The following FMNL3 variants were observed in gnomAD, a reference collection of about 807,000 sequenced individuals.
FMNL3 encodes formin like 3.
FMNL3 carries 57 observed loss-of-function variants against 119.6 expected under a neutral mutation model. The observed-to-expected ratio is 0.48, with a 90% CI of 0.39 to 0.59. The LOEUF is 0.59. Ranked by LOEUF, FMNL3 falls within the 20% of genes least tolerant of loss-of-function variation. The probability of loss-of-function intolerance (pLI) is 0.00; values close to 1 mark genes in which losing one functional copy is unlikely to be tolerated. For synonymous variants in FMNL3, 491 were observed against 507.3 expected (o/e 0.97, Z 0.43); for missense variants, 1,053 against 1,323.5 (o/e 0.80, Z 3.17).
At position 49,647,302 on chromosome 12, in the gene FMNL3, G is replaced by A; in HGVS notation, c.2845C>T (p.Gln949Ter). 2 of 1,613,936 alleles carry A rather than the reference G, an allele frequency of 1.2e-6. No individual in the cohort carries two copies. The highest frequency in any genetic ancestry group is 1.7e-6 in the Non-Finnish European group (2 of 1,180,020). The change falls in exon 24 of 26, where the codon CAG (glutamine) becomes TAG (stop). Residue 949 changes from glutamine (Q) to a stop codon, truncating the protein, a stop_gained. Transcript: ENST00000335154. LOFTEE classifies it high-confidence loss of function. This position sits in a 1 kb window ranked among gnomAD's most constrained non-coding sequence, Gnocchi z 4.9. ...EEVMREKQLA[Q>*]EAKKLDAKTP... ...TTGGCATCCAGTTTCTTGGCTTCCT[G>A]AGCCAGCTGCTTCTCCCGCATTACC...
At position 49,637,373 on chromosome 12, in the gene FMNL3, T is replaced by C. The variant is rs1592600611; in HGVS notation, c.*8442A>G. The C allele has an allele frequency of 1.3e-6, 1 of 783,568 alleles. No individual in the cohort carries two copies. Among genetic ancestry groups the C allele is most frequent in the African/African-American group, 1.7e-5 (1 of 58,830 alleles). 48.5% of individuals were successfully genotyped at this position (783,568 alleles called of 1,614,324 possible). On this transcript the variant is annotated 3_prime_UTR_variant, in exon 26 of 26. Coordinates refer to ENST00000335154, the MANE Select transcript of FMNL3 (RefSeq NM_175736.5). ...GCCTGCATTTCCTCAATCTTGATTGTCCCTGCCTCTTCCTCTGCCATTCCC... is the reference window on the plus strand; with the variant it reads ...GCCTGCATTTCCTCAATCTTGATTGCCCCTGCCTCTTCCTCTGCCATTCCC...
intron 1 of FMNL3, among the ~76,000 whole-genome samples, chr12:49,702,237 AAGCTGC>A (rs1944928862): frequency 6.6e-6 from 1 of 152,158 alleles, no homozygotes; most frequent in African/African-American, 2.4e-5. Flanking sequence ...TGGGAGTTCA[AAGCTGC>A]AGTGAGGTGC....
intron 4 of FMNL3, 97 bp downstream of exon 4, chr12:49,665,735 A>T: frequency 7.8e-7 from 1 of 1,287,052 alleles, no homozygotes; most frequent in Non-Finnish European, 1.1e-6. Context: ...GGCAGGGAAG[A>T]TGAACAGGAA....
At chr12:49,690,809 G>A (rs1944581433) in intron 1 of FMNL3, among the ~76,000 whole-genome samples, 1 of 152,256 alleles carries the variant, frequency 6.6e-6, no homozygotes, top group Admixed American at 6.5e-5. Context: ...GCTGGGCGCA[G>A]TGCCAGCACT....
At position 49,651,149 on chromosome 12, in the gene FMNL3, G is replaced by A. The variant is rs369546127; in HGVS notation, c.1797+19C>T. ...CCCTAGCCCTCAACCTTAGCCCTCT[G>A]GACCCCAGGCCCTGTTACCTCCAAG... On this transcript the variant is annotated intron_variant, in intron 16 of 25. Transcript: ENST00000335154. 8.7e-6 allele frequency: 14 copies of A among 1,610,522 alleles called. No individual in the cohort carries two copies. The highest frequency in any genetic ancestry group is 1.6e-4 in the Middle Eastern group (1 of 6,076).
Position 49,649,997 on chromosome 12 carries a change from A to C in FMNL3, c.2001-72T>G. The C allele has an allele frequency of 7.5e-7, 1 of 1,335,444 alleles. No homozygotes were observed. Among genetic ancestry groups the C allele is most frequent in the Middle Eastern group, 1.8e-4 (1 of 5,550 alleles). The allele number at this position is 1,335,444 out of a possible 1,614,324, so 82.7% of individuals were successfully genotyped here. On this transcript the variant is annotated intron_variant, in intron 17 of 25. Transcript: ENST00000335154. The surrounding 1 kb of genome is among the most constrained non-coding windows in gnomAD (Gnocchi z 5.6). ...TTTCCCTCATCCCTTTTATTCTCCA[A>C]GCTCCTAGAAGAACTGGACAGGGGA...
chr12:49,654,067 G>T, intron 11 of FMNL3, 125 bp downstream of exon 11: 2 of 1,165,430 alleles, frequency 1.7e-6, no homozygotes, highest in Non-Finnish European at 2.4e-6. Flanking sequence ...TGAGTCCCAG[G>T]CTACAGAAGA....
chr12:49,645,834 C>T lies in FMNL3; in HGVS notation c.3065G>A (p.Arg1022Gln), dbSNP rs768124110. Reference sequence around the variant, plus strand: ...AGGGTCTCAGTGGGGGCCTGGAGCCCGAGGGGGACCACTGGGCGGTGCAGC... The same window carrying T: ...AGGGTCTCAGTGGGGGCCTGGAGCCTGAGGGGGACCACTGGGCGGTGCAGC... ...RSAAPPSGPP[R>Q]APGPH The change falls in exon 26 of 26, where the codon CGG becomes CAG. Residue 1022 changes from arginine (R) to glutamine (Q), a missense_variant. By Grantham distance (43) the Arg-to-Gln change is conservative. Transcript: ENST00000335154. 7.5e-6 allele frequency: 12 copies of T among 1,599,890 alleles called. No homozygotes were observed. The highest frequency in any genetic ancestry group is 1.4e-5 in the African/African-American group (1 of 73,330).
chr12:49,700,340 C>T (rs1261032420), intron 1 of FMNL3, among the ~76,000 whole-genome samples: 3 of 141,230 alleles, frequency 2.1e-5, no homozygotes, highest in Non-Finnish European at 4.5e-5. Context: ...TGTAGTGAGC[C>T]GAGATCGAGC....
Position 49,657,124 on chromosome 12 carries a change from G to A in FMNL3, c.672C>T (p.Val224=), listed in dbSNP as rs1222030571. ...NSRLVSQKDD[V]HVCILCLRAI... is the part of the protein sequence containing the mutation. Reference sequence around the variant, plus strand: ...CTCTGAGACAAAGGATACAGACGTGGACGTCATCCTTCTGGCTCACTAGGC... The same window carrying A: ...CTCTGAGACAAAGGATACAGACGTGAACGTCATCCTTCTGGCTCACTAGGC... Residue 224 remains valine, a synonymous_variant, in exon 7 of 26, where the codon GTC becomes GTT. Transcript: ENST00000335154. 10 of 1,614,020 alleles carry A rather than the reference G, an allele frequency of 6.2e-6. No homozygotes were observed. The highest frequency in any genetic ancestry group is 2.7e-5 in the African/African-American group (2 of 74,886).
intron 1 of FMNL3, among the ~76,000 whole-genome samples, chr12:49,673,707 T>C (rs1565884587): frequency 6.6e-6 from 1 of 152,254 alleles, no homozygotes; most frequent in Non-Finnish European, 1.5e-5. Context: ...GCCAGCACTT[T>C]AACACAAGCC....
At chr12:49,666,937 G>A (rs1943908088) in intron 2 of FMNL3, among the ~76,000 whole-genome samples, 1 of 152,178 alleles carries the variant, frequency 6.6e-6, no homozygotes, top group African/African-American at 2.4e-5. Flanking sequence ...TCTGCAGTTG[G>A]GACTGGAATG....
At chr12:49,653,454 G>GT in intron 12 of FMNL3, 127 bp from the exon 13 acceptor site, 1 of 992,268 alleles carries the variant, frequency 1.0e-6, no homozygotes, top group Non-Finnish European at 1.6e-6. Flanking sequence ...TAGTCAGGTG[G>GT]TTCCCTTATA....
intron 1 of FMNL3, among the ~76,000 whole-genome samples, chr12:49,689,982 A>C (rs963617907): frequency 6.6e-6 from 1 of 152,018 alleles, no homozygotes; most frequent in African/African-American, 2.4e-5. Context: ...CTCCTATACC[A>C]CACTGATCCT....
chr12:49,696,556 G>A (rs1944756206), intron 1 of FMNL3, among the ~76,000 whole-genome samples: 1 of 152,166 alleles, frequency 6.6e-6, no homozygotes, highest in African/African-American at 2.4e-5. Flanking sequence ...ATCAGTACAT[G>A]CACAATTTTT....
intron 1 of FMNL3, among the ~76,000 whole-genome samples, chr12:49,674,789 G>T (rs1006451276): frequency 2.0e-5 from 3 of 152,180 alleles, no homozygotes; most frequent in African/African-American, 7.2e-5. Context: ...TGTGGTCACT[G>T]AGGACTCTGT....
At chr12:49,695,467 G>A (rs949107428) in intron 1 of FMNL3, among the ~76,000 whole-genome samples, 4 of 152,054 alleles carry the variant, frequency 2.6e-5, no homozygotes, top group Admixed American at 6.6e-5. Flanking sequence ...GACCATCCCC[G>A]CTTAGTTAAC....
chr12:49,669,699 G>A (rs1187648822), intron 1 of FMNL3, among the ~76,000 whole-genome samples: 1 of 152,184 alleles, frequency 6.6e-6, no homozygotes, highest in Non-Finnish European at 1.5e-5. Flanking sequence ...GGGTGCAGTA[G>A]CGCACACCTG....
intron 1 of FMNL3, among the ~76,000 whole-genome samples, chr12:49,678,694 C>T (rs1324937824): frequency 6.6e-6 from 1 of 152,096 alleles, no homozygotes; most frequent in Non-Finnish European, 1.5e-5. Flanking sequence ...AACTCCTGGA[C>T]TCAAGCGATC....
Sources: gnomAD v4.1 joint callset for allele counts (sites outside exome capture counted in the v4.1 genomes callset) on GRCh38, gnomAD v4.1.1 for gene constraint, Gnocchi (gnomAD v3.1) non-coding constraint, MANE v1.5 for transcripts, NCBI Gene and HGNC (gene_info 2026-07-23, HGNC 2026-07-21) for gene names.